The following MAPKAPK2 variants were observed in gnomAD, a reference collection of about 807,000 sequenced individuals.
The protein encoded by MAPKAPK2 is MAPK activated protein kinase 2.
Under a neutral mutation model 48.8 loss-of-function variants are expected in MAPKAPK2, and 9 were observed. The observed-to-expected ratio is 0.18, with a 90% CI of 0.11 to 0.32. The LOEUF is 0.32. MAPKAPK2 is among the 10% of genes least tolerant of loss of function. The pLI is 1.00. For missense variants in MAPKAPK2, 331 were observed against 498.3 expected, an observed-to-expected ratio of 0.66 and a Z score of 3.20; for synonymous variants, 202 against 190.6, an observed-to-expected ratio of 1.06 and a Z score of -0.49.
chr1:206,712,028 C>T (rs1369695498), intron 1 of MAPKAPK2, among the ~76,000 whole-genome samples: 2 of 152,096 alleles, frequency 1.3e-5, no homozygotes, highest in South Asian at 2.1e-4. Flanking sequence ...TCCATTTAAT[C>T]GATGAGTTCA....
rs187244814 is a variant in MAPKAPK2 at position 206,700,108 on chromosome 1, C to T, written c.279+14600C>T. On this transcript the variant is annotated intron_variant, in intron 1 of 9. Coordinates refer to ENST00000367103, the MANE Select transcript of MAPKAPK2 (RefSeq NM_032960.4). ...TGTGATGGGTGGTTCTTGCCCCTCC[C>T]GCTGCAATGCTTTTCCTGTGTAGTT... Among the ~76,000 whole-genome samples the T allele has an allele frequency of 1.1e-3, 172 of 151,808 alleles. 1 individual carries two copies. The highest frequency in any genetic ancestry group is 3.5e-3 in the African/African-American group (146 of 41,338).
At position 206,731,432 on chromosome 1, in the gene MAPKAPK2, G is replaced by A; in HGVS notation, c.892+170G>A. The A allele has an allele frequency of 3.0e-6, 4 of 1,350,192 alleles. No homozygotes were observed. Among genetic ancestry groups the A allele is most frequent in the Non-Finnish European group, 1.0e-6 (1 of 986,090 alleles). 83.6% of individuals were successfully genotyped at this position (1,350,192 alleles called of 1,614,324 possible). A position where few individuals can be genotyped will look rare whatever the true frequency, so the allele number is the denominator to read the frequency against. ...GTGCGTCCTGCTTCATTTTGCCTGT[G>A]TGGAGGGCTGGAGGCAGGGCCAAGG... On this transcript the variant is annotated intron_variant, in intron 7 of 9. Coordinates refer to ENST00000367103, the MANE Select transcript of MAPKAPK2 (RefSeq NM_032960.4). The surrounding 1 kb of genome is among the most constrained non-coding windows in gnomAD (Gnocchi z 5.9).
At chr1:206,716,154 A>C (rs1673323695) in intron 1 of MAPKAPK2, among the ~76,000 whole-genome samples, 1 of 151,636 alleles carries the variant, frequency 6.6e-6, no homozygotes, top group East Asian at 1.9e-4. Flanking sequence ...GCCAGAAGTA[A>C]GTTCAGGGTA....
chr1:206,700,954 C>A (rs571451230), intron 1 of MAPKAPK2, among the ~76,000 whole-genome samples: 6 of 152,322 alleles, frequency 3.9e-5, no homozygotes, highest in Non-Finnish European at 7.3e-5. Flanking sequence ...CGTTTCTGGG[C>A]AGAACAGGGT....
In MAPKAPK2 at chr1:206,731,957, G is replaced by A. The variant is rs782002200; in HGVS notation, c.1059+38G>A. The stretch of plus-strand genomic sequence containing the variant: ...ACTGGGTGAGAGGGGCTCCAGGTGG[G>A]GTGGGCGGCTTGCGGGGAGTGCCCA... On this transcript the variant is annotated intron_variant, in intron 9 of 9. Transcript: ENST00000367103. This position sits in a 1 kb window ranked among gnomAD's most constrained non-coding sequence, Gnocchi z 5.9. The A allele has an allele frequency of 6.2e-7, 1 of 1,614,120 alleles. No individual in the cohort carries two copies. Among genetic ancestry groups the A allele is most frequent in the Non-Finnish European group, 8.5e-7 (1 of 1,180,012 alleles).
chr1:206,699,668 G>A (rs187591613), intron 1 of MAPKAPK2, among the ~76,000 whole-genome samples: 23 of 152,308 alleles, frequency 1.5e-4, no homozygotes, highest in Admixed American at 1.4e-3. Context: ...GCCCTCATAT[G>A]GCTTCTCTTT....
chr1:206,729,128 G>A, intron 3 of MAPKAPK2, 29 bp downstream of exon 3: 1 of 1,608,726 alleles, frequency 6.2e-7, no homozygotes, highest in African/African-American at 1.3e-5. Flanking sequence ...GGGAGCACGT[G>A]CAGGCAGGCA....
chr1:206,711,689 C>T (rs1673150300), intron 1 of MAPKAPK2, among the ~76,000 whole-genome samples: 1 of 145,526 alleles, frequency 6.9e-6, no homozygotes, highest in East Asian at 2.0e-4. Flanking sequence ...GTGATCTCTG[C>T]TCAGTGAAAC....
At chr1:206,697,088 C>G (rs1320030268) in intron 1 of MAPKAPK2, among the ~76,000 whole-genome samples, 1 of 152,230 alleles carries the variant, frequency 6.6e-6, no homozygotes, top group Non-Finnish European at 1.5e-5. Context: ...TCATTGATGC[C>G]TCTCCTCCTT....
At chr1:206,697,645 CA>C (rs1672673090) in intron 1 of MAPKAPK2, among the ~76,000 whole-genome samples, 1 of 152,126 alleles carries the variant, frequency 6.6e-6, no homozygotes, top group South Asian at 2.1e-4. Flanking sequence ...GATCTGCCCC[CA>C]AGACCCAAAC....
At chr1:206,705,862 T>C (rs1553428495) in intron 1 of MAPKAPK2, among the ~76,000 whole-genome samples, 1 of 152,178 alleles carries the variant, frequency 6.6e-6, no homozygotes, top group African/African-American at 2.4e-5. Context: ...GTCCTGCAGA[T>C]GGCCGACTCC....
chr1:206,731,454 A>G lies in MAPKAPK2; in HGVS notation c.893-186A>G, dbSNP rs949186785. The G allele has an allele frequency of 1.2e-5, 15 of 1,216,248 alleles. No homozygotes were observed. In the East Asian group the frequency reaches 3.0e-4, roughly 24 times the overall value. 75.3% of individuals were successfully genotyped at this position (1,216,248 alleles called of 1,614,324 possible). A position where few individuals can be genotyped will look rare whatever the true frequency, so the allele number is the denominator to read the frequency against. Reference sequence around the variant, plus strand: ...TGTGTGGAGGGCTGGAGGCAGGGCCAAGGCTGTGGGGCTGTGCAGGGCCTC... The same window carrying G: ...TGTGTGGAGGGCTGGAGGCAGGGCCGAGGCTGTGGGGCTGTGCAGGGCCTC... On this transcript the variant is annotated intron_variant, in intron 7 of 9. Transcript: ENST00000367103. This position sits in a 1 kb window ranked among gnomAD's most constrained non-coding sequence, Gnocchi z 5.9.
At position 206,728,791 on chromosome 1, in the gene MAPKAPK2, G is replaced by C; in HGVS notation, c.361G>C (p.Val121Leu). The part of the protein sequence containing the change: ...ASQCPHIVRI[V>L]DVYENLYAGR... ...CCAGTGCCCGCACATCGTACGGATC[G>C]TGGATGTGTACGAGAATCTGTACGC... Residue 121 changes from valine (V) to leucine (L), a missense_variant, in exon 2 of 10, where the codon GTG (valine) becomes CTG (leucine). By Grantham distance (32) the Val-to-Leu change is conservative (BLOSUM62 1). This residue lies in a region of MAPKAPK2 where 111 missense variants were observed against 193.6 expected (regional missense o/e 0.57). Coordinates refer to ENST00000367103, the MANE Select transcript of MAPKAPK2 (RefSeq NM_032960.4). 6.2e-7 allele frequency: 1 copy of C among 1,614,130 alleles called. No homozygotes were observed. Among genetic ancestry groups the C allele is most frequent in the Non-Finnish European group, 8.5e-7 (1 of 1,179,984 alleles).
At chr1:206,710,753 A>C (rs1382485257) in intron 1 of MAPKAPK2, among the ~76,000 whole-genome samples, 2 of 152,272 alleles carry the variant, frequency 1.3e-5, no homozygotes, top group African/African-American at 4.8e-5. Flanking sequence ...CGTTAGAAGC[A>C]GATCCAAACT....
chr1:206,693,744 G>A (rs1031004911), intron 1 of MAPKAPK2, among the ~76,000 whole-genome samples: 1 of 152,208 alleles, frequency 6.6e-6, no homozygotes, highest in East Asian at 1.9e-4. Context: ...GCTACCTACC[G>A]TGTACTCCTG....
chr1:206,691,504 T>TATATATATATATATATATATAC (rs1424297313), intron 1 of MAPKAPK2, among the ~76,000 whole-genome samples: 1,968 of 111,520 alleles, frequency 0.018, 93 homozygotes, highest in Non-Finnish European at 0.026. Flanking sequence ...TATATATATA[T>TATATATATATATATATATATAC]ACACACATAC....
Position 206,729,983 on chromosome 1 carries a change from CTT to C in MAPKAPK2, c.577_578del (p.Leu193IlefsTer14), listed in dbSNP as rs1558588930. On this transcript the variant is annotated frameshift_variant, in exon 5 of 10. Transcript: ENST00000367103. LOFTEE classifies it high-confidence loss of function. ...CTCTCTTTCTGTAGCCTGAGAATCT[CTT>C]ATACACCTCCAAAAGGCCCAACGCC... ...AHRDVKPENL[L>X]YTSKRPNAIL... 1 of 1,614,242 alleles carries C rather than the reference CTT, an allele frequency of 6.2e-7. No homozygotes were observed.
Position 206,731,883 on chromosome 1 carries a change from C to G in MAPKAPK2, c.1023C>G (p.Val341=). The G allele has an allele frequency of 1.2e-6, 2 of 1,614,122 alleles. No homozygotes were observed. The highest frequency in any genetic ancestry group is 1.7e-6 in the Non-Finnish European group (2 of 1,180,012). Residue 341 remains valine (V), a synonymous_variant, in exon 9 of 10, where the codon GTC becomes GTG. Coordinates refer to ENST00000367103, the MANE Select transcript of MAPKAPK2 (RefSeq NM_032960.4). This position sits in a 1 kb window ranked among gnomAD's most constrained non-coding sequence, Gnocchi z 5.9. ...VPQTPLHTSR[V]LKEDKERWED... ...AAACCCCACTGCACACCAGCCGGGT[C>G]CTGAAGGAGGACAAGGAGCGGTGGG...
At chr1:206,699,477 C>G (rs1472699917) in intron 1 of MAPKAPK2, among the ~76,000 whole-genome samples, 1 of 152,136 alleles carries the variant, frequency 6.6e-6, no homozygotes, top group Admixed American at 6.5e-5. Flanking sequence ...TCCACTGGGG[C>G]TCCGTATTTT....
Sources: gnomAD v4.1 joint callset for allele counts (sites outside exome capture counted in the v4.1 genomes callset) on GRCh38, gnomAD v4.1.1 for gene constraint, gnomAD v4.1.1 regional missense constraint, Gnocchi (gnomAD v3.1) non-coding constraint, MANE v1.5 for transcripts, NCBI Gene and HGNC (gene_info 2026-07-23, HGNC 2026-07-21) for gene names.